Variants in CATSPERT observed in about 807,000 individuals in gnomAD.
CATSPERT encodes cation channel sperm-associated targeting subunit tau.
the CATSPERT span, chr2:201,601,738 C>T: frequency 6.2e-7 from 1 of 1,609,758 alleles, no homozygotes; most frequent in African/African-American, 1.3e-5. Context: ...ATTAACATTA[C>T]CTGTACAGAA....
At chr2:201,606,299 C>A in the CATSPERT span, among the ~76,000 whole-genome samples, 1 of 151,968 alleles carries the variant, frequency 6.6e-6, no homozygotes, top group Non-Finnish European at 1.5e-5. Flanking sequence ...GGCAAATGAC[C>A]AAATTATCTA....
At chr2:201,602,595 A>G in the CATSPERT span, among the ~76,000 whole-genome samples, 1 of 152,324 alleles carries the variant, frequency 6.6e-6, no homozygotes, top group Admixed American at 6.5e-5. Flanking sequence ...GCATTATCAT[A>G]CAAGAAGATA....
the CATSPERT span, among the ~76,000 whole-genome samples, chr2:201,541,031 T>C: frequency 6.6e-6 from 1 of 152,166 alleles, no homozygotes; most frequent in Admixed American, 6.5e-5. Flanking sequence ...AGAAAGTAAC[T>C]ACAGATGTGA....
the CATSPERT span, among the ~76,000 whole-genome samples, chr2:201,615,313 A>T: frequency 7.9e-5 from 12 of 152,244 alleles, no homozygotes; most frequent in African/African-American, 1.4e-4. Context: ...GAAGTAAAGC[A>T]CTCCTCAGCA....
the CATSPERT span, chr2:201,604,675 T>A: frequency 6.2e-7 from 1 of 1,602,476 alleles, no homozygotes; most frequent in Non-Finnish European, 8.5e-7. Context: ...ACTATCAGAC[T>A]CTTTAAGAGT....
At chr2:201,558,939 A>G in the CATSPERT span, among the ~76,000 whole-genome samples, 1 of 152,172 alleles carries the variant, frequency 6.6e-6, no homozygotes, top group Non-Finnish European at 1.5e-5. Flanking sequence ...GGTCCTGCAC[A>G]GCAGGGAAAC....
At chr2:201,615,556 A>C in the CATSPERT span, among the ~76,000 whole-genome samples, 1 of 152,234 alleles carries the variant, frequency 6.6e-6, no homozygotes, top group Non-Finnish European at 1.5e-5. Context: ...CATTTAAAGC[A>C]GCGTGTAGAA....
At chr2:201,520,886 GA>G in the CATSPERT span, among the ~76,000 whole-genome samples, 12,162 of 140,092 alleles carry the variant, frequency 0.087, 683 homozygotes, top group African/African-American at 0.16. Context: ...TCCTGTCTCA[GA>G]AAAAAAAAAA....
chr2:201,610,319 G>T, the CATSPERT span, among the ~76,000 whole-genome samples: 4 of 152,048 alleles, frequency 2.6e-5, no homozygotes, highest in African/African-American at 7.2e-5. Context: ...TTAGCCGGGC[G>T]TGGTGGCGGG....
chr2:201,491,159 A>C, the CATSPERT span: 4 of 1,511,616 alleles, frequency 2.6e-6, no homozygotes, highest in East Asian at 9.8e-5. Flanking sequence ...ACTTAGAAAA[A>C]CATTATTACA....
chr2:201,567,909 C>A, the CATSPERT span, among the ~76,000 whole-genome samples: 1 of 152,162 alleles, frequency 6.6e-6, no homozygotes, highest in Non-Finnish European at 1.5e-5. Flanking sequence ...GCAGCCTGGA[C>A]CTGTTGCAGA....
the CATSPERT span, chr2:201,534,388 AACTT>A: frequency 6.1e-6 from 6 of 981,592 alleles, no homozygotes; most frequent in Admixed American, 2.5e-4. Context: ...AGCAATAAAT[AACTT>A]ACTTATCAAG....
At chr2:201,507,401 A>G in the CATSPERT span, among the ~76,000 whole-genome samples, 3 of 152,208 alleles carry the variant, frequency 2.0e-5, no homozygotes, top group South Asian at 2.1e-4. Context: ...AATATATCAA[A>G]CTATACCAAT....
chr2:201,531,504 A>G, the CATSPERT span, among the ~76,000 whole-genome samples: 1 of 152,208 alleles, frequency 6.6e-6, no homozygotes, highest in Non-Finnish European at 1.5e-5. Context: ...GAAACATAAT[A>G]TGATACCAGG....
At chr2:201,581,859 C>T in the CATSPERT span, among the ~76,000 whole-genome samples, 4 of 151,740 alleles carry the variant, frequency 2.6e-5, no homozygotes, top group East Asian at 1.9e-4. Flanking sequence ...CTGCCCACCT[C>T]GGCCTCCCAA....
chr2:201,547,631 T>C, the CATSPERT span: 1 of 1,348,870 alleles, frequency 7.4e-7, no homozygotes, highest in Non-Finnish European at 1.0e-6. Flanking sequence ...AAATAAGTTA[T>C]GAATGAAAAA....
At chr2:201,617,689 A>T in the CATSPERT span, among the ~76,000 whole-genome samples, 286 of 152,342 alleles carry the variant, frequency 1.9e-3, 3 homozygotes, top group African/African-American at 6.6e-3. Flanking sequence ...AATGGCAACC[A>T]AAGCCAAAAT....
At chr2:201,619,129 A>G in the CATSPERT span, 10 of 1,614,068 alleles carry the variant, frequency 6.2e-6, no homozygotes, top group East Asian at 2.2e-5. Flanking sequence ...GGGTGGCTCC[A>G]TCTCTCCATC....
the CATSPERT span, among the ~76,000 whole-genome samples, chr2:201,569,395 A>C: frequency 2.0e-5 from 3 of 152,204 alleles, no homozygotes; most frequent in African/African-American, 7.2e-5. Flanking sequence ...TCAGACAGCC[A>C]ACACCACAGG....
Sources: allele counts gnomAD v4.1 joint callset (sites outside exome capture counted in the v4.1 genomes callset), GRCh38; gene constraint gnomAD v4.1.1; transcripts MANE v1.5; gene names NCBI Gene and HGNC (gene_info 2026-07-23, HGNC 2026-07-21).